MYO5A: variants seen among roughly 807,000 people sequenced by gnomAD.
The protein encoded by MYO5A is unconventional myosin-Va.
In MYO5A, 98 loss-of-function variants were observed where a neutral mutation model predicts 249.7. The observed-to-expected ratio is 0.39, with a 90% CI of 0.33 to 0.46. MYO5A has a LOEUF of 0.46. Ranked by LOEUF, MYO5A falls within the 20% of genes least tolerant of loss-of-function variation. The probability of loss-of-function intolerance (pLI) is 0.98; values close to 1 mark genes in which losing one functional copy is unlikely to be tolerated. For missense variants in MYO5A, 1,696 were observed against 2,308.8 expected (o/e 0.73, Z 5.44); for synonymous variants, 778 against 810.6 (o/e 0.96, Z 0.68).
chr15:52,426,757 G>A (rs553860330), intron 3 of MYO5A, among the ~76,000 whole-genome samples: 2 of 152,312 alleles, frequency 1.3e-5, no homozygotes, highest in East Asian at 3.9e-4. Context: ...CAGCACAGGT[G>A]AGTTACATAT....
chr15:52,403,252 T>C (rs1274074181), intron 9 of MYO5A, among the ~76,000 whole-genome samples: 1 of 152,122 alleles, frequency 6.6e-6, no homozygotes, highest in Non-Finnish European at 1.5e-5. Context: ...TTTTAAAAAA[T>C]CCAGTTTGTA....
intron 11 of MYO5A, among the ~76,000 whole-genome samples, chr15:52,395,372 G>A (rs2042444139): frequency 1.3e-5 from 2 of 151,984 alleles, no homozygotes; most frequent in African/African-American, 2.4e-5. Flanking sequence ...TAAACATCTG[G>A]TTTGTGTGCA....
rs1259546695 is a variant in MYO5A at position 52,351,241 on chromosome 15, T to C, written c.3849+13A>G. ...TCCCCGAACACCCAGTTTAATTGTG[T>C]GCTTGCGCTTACCTTGGGTTGGATG... On this transcript the variant is annotated intron_variant, in intron 28 of 41. Transcript: ENST00000399233. 1.2e-6 allele frequency: 2 copies of C among 1,609,816 alleles called. No homozygotes were observed. The highest frequency in any genetic ancestry group is 1.3e-5 in the African/African-American group (1 of 74,888).
intron 1 of MYO5A, among the ~76,000 whole-genome samples, chr15:52,490,454 G>T (rs951386737): frequency 6.6e-6 from 1 of 152,132 alleles, no homozygotes; most frequent in Non-Finnish European, 1.5e-5. Context: ...GATGAACCTT[G>T]AGGAAATTCT....
rs1208542869 is a variant in MYO5A at position 52,376,390 on chromosome 15, C to T, written c.2377G>A (p.Ala793Thr). ...CGCACGTATCTCTGCATGGTGATGG[C>T]TGCCTTCCGCATGCGTAGGTACTTC... Reference protein sequence around the residue: ...RKKYLRMRKAAITMQRYVRGY... With the variant: ...RKKYLRMRKATITMQRYVRGY... The change falls in exon 19 of 42, where the codon GCC becomes ACC. Residue 793 changes from alanine (A) to threonine (T), a missense_variant. Physicochemically the swap from Ala to Thr is moderately conservative, Grantham distance 58. Coordinates refer to ENST00000399233, the MANE Select transcript of MYO5A (RefSeq NM_001382347.1). 5 of 1,614,026 alleles carry T rather than the reference C, an allele frequency of 3.1e-6. No individual in the cohort carries two copies. The highest frequency in any genetic ancestry group is 1.7e-5 in the Admixed American group (1 of 59,998).
intron 1 of MYO5A, among the ~76,000 whole-genome samples, chr15:52,503,436 G>T (rs1300532722): frequency 1.3e-5 from 2 of 150,774 alleles, no homozygotes; most frequent in Non-Finnish European, 2.9e-5. Flanking sequence ...AAGGAGTTCA[G>T]CCTGGGCAAT....
At chr15:52,428,913 A>T (rs2141291583) in intron 2 of MYO5A, among the ~76,000 whole-genome samples, 1 of 152,336 alleles carries the variant, frequency 6.6e-6, no homozygotes, top group East Asian at 1.9e-4. Flanking sequence ...AATATAAAAG[A>T]GTGGTCGAGA....
intron 36 of MYO5A, among the ~76,000 whole-genome samples, chr15:52,324,782 C>T (rs1197221580): frequency 1.3e-5 from 2 of 151,818 alleles, no homozygotes; most frequent in African/African-American, 4.8e-5. Context: ...TAAGAAAGTA[C>T]AAAACGCCCT....
chr15:52,329,397 G>C (rs181109871), intron 35 of MYO5A, among the ~76,000 whole-genome samples: 1 of 152,304 alleles, frequency 6.6e-6, no homozygotes, highest in Admixed American at 6.5e-5. Context: ...TGAAAGGAGA[G>C]GTTTTTAGGA....
At chr15:52,326,149 T>C (rs1223488724) in intron 36 of MYO5A, among the ~76,000 whole-genome samples, 1 of 152,236 alleles carries the variant, frequency 6.6e-6, no homozygotes, top group Non-Finnish European at 1.5e-5. Context: ...AACTGGGATG[T>C]GAGACAAATG....
chr15:52,522,409 G>A (rs186675312), intron 1 of MYO5A, among the ~76,000 whole-genome samples: 156 of 152,254 alleles, frequency 1.0e-3, no homozygotes, highest in African/African-American at 3.7e-3. Flanking sequence ...AACTCCCTAG[G>A]AAGATAAATA....
intron 1 of MYO5A, among the ~76,000 whole-genome samples, chr15:52,456,330 G>A (rs1316821738): frequency 6.6e-6 from 1 of 152,018 alleles, no homozygotes; most frequent in Non-Finnish European, 1.5e-5. Context: ...ACAAAAACAT[G>A]GAAAGATATT....
intron 35 of MYO5A, among the ~76,000 whole-genome samples, chr15:52,328,273 C>T (rs991797162): frequency 2.0e-5 from 3 of 150,768 alleles, no homozygotes; most frequent in South Asian, 4.2e-4. Flanking sequence ...CTTGACAACT[C>T]TGCTCAGGCA....
intron 11 of MYO5A, among the ~76,000 whole-genome samples, chr15:52,396,077 C>T (rs999395023): frequency 1.3e-5 from 2 of 152,224 alleles, no homozygotes; most frequent in East Asian, 3.8e-4. Flanking sequence ...GCCTGCTTCT[C>T]TCAATCTATT....
chr15:52,470,835 C>G (rs2076448707), intron 1 of MYO5A, among the ~76,000 whole-genome samples: 1 of 151,876 alleles, frequency 6.6e-6, no homozygotes, highest in Non-Finnish European at 1.5e-5. Context: ...CCAGGCTGGC[C>G]AACATGGTGA....
chr15:52,488,903 G>T (rs1020953470), intron 1 of MYO5A, among the ~76,000 whole-genome samples: 2 of 152,144 alleles, frequency 1.3e-5, no homozygotes, highest in African/African-American at 4.8e-5. Context: ...AACTCTCTGG[G>T]GAAAGATGAG....
chr15:52,469,923 T>A (rs765610569), intron 1 of MYO5A, among the ~76,000 whole-genome samples: 1 of 152,240 alleles, frequency 6.6e-6, no homozygotes, highest in African/African-American at 2.4e-5. Context: ...CCAAGATTCA[T>A]AGCCCAAAAC....
At chr15:52,485,142 T>C (rs924889575) in intron 1 of MYO5A, among the ~76,000 whole-genome samples, 1 of 152,016 alleles carries the variant, frequency 6.6e-6, no homozygotes, top group Admixed American at 6.6e-5. Flanking sequence ...TTACAAATGA[T>C]TTTCATTTCT....
chr15:52,325,775 T>A (rs2038575422), intron 36 of MYO5A, among the ~76,000 whole-genome samples: 1 of 152,070 alleles, frequency 6.6e-6, no homozygotes, highest in Admixed American at 6.6e-5. Flanking sequence ...GAAAATGAGA[T>A]ACTCTATATT....
Sources: gnomAD v4.1 joint callset for allele counts (sites outside exome capture counted in the v4.1 genomes callset) on GRCh38, gnomAD v4.1.1 for gene constraint, MANE v1.5 for transcripts, NCBI Gene and HGNC (gene_info 2026-07-23, HGNC 2026-07-21) for gene names.